The following STPG2 variants were observed in gnomAD, a reference collection of about 807,000 sequenced individuals.
STPG2 encodes sperm tail PG-rich repeat containing 2, also known as sperm-tail PG-rich repeat-containing protein 2.
Under a neutral mutation model 54.2 loss-of-function variants are expected in STPG2, and 56 were observed. The ratio of observed to expected loss-of-function variants is 1.03; its 90% CI spans 0.83 to 1.29. The LOEUF (loss-of-function observed/expected upper bound fraction) is 1.29, where lower values mean the gene tolerates loss of function less well. Among genes scored for constraint, STPG2 ranks in the 50% most tolerant of loss-of-function variants. The pLI is 0.00. For missense variants in STPG2, 596 were observed against 544.9 expected (o/e 1.09, Z -0.93); for synonymous variants, 200 against 181.8 (o/e 1.10, Z -0.81).
intron 4 of STPG2, among the ~76,000 whole-genome samples, chr4:97,538,749 C>G (rs970181394): frequency 2.6e-5 from 4 of 152,088 alleles, no homozygotes; most frequent in Non-Finnish European, 5.9e-5. Flanking sequence ...GTCAGATTCA[C>G]CAAAGTTCAA....
At chr4:97,454,779 A>T (rs1560615465) in intron 4 of STPG2, among the ~76,000 whole-genome samples, 1 of 152,042 alleles carries the variant, frequency 6.6e-6, no homozygotes, top group African/African-American at 2.4e-5. Flanking sequence ...GAAGTATCTG[A>T]GATGATATTT....
intron 4 of STPG2, among the ~76,000 whole-genome samples, chr4:97,510,536 C>T (rs1730949774): frequency 6.6e-6 from 1 of 152,078 alleles, no homozygotes; most frequent in South Asian, 2.1e-4. Context: ...ACCTAAAACT[C>T]TATAGTCTTG....
chr4:97,981,722 TA>T (rs1734683394), intron 5 of STPG2, among the ~76,000 whole-genome samples: 1 of 151,154 alleles, frequency 6.6e-6, no homozygotes, highest in Non-Finnish European at 1.5e-5. Context: ...TCAACATGTA[TA>T]TTCAATTAAC....
At chr4:97,587,165 A>G (rs1733021919) in intron 10 of STPG2, among the ~76,000 whole-genome samples, 1 of 152,006 alleles carries the variant, frequency 6.6e-6, no homozygotes, top group Non-Finnish European at 1.5e-5. Context: ...ATAAATATTT[A>G]GTAAATGGAT....
chr4:97,563,867 T>C (rs1277690212), intron 10 of STPG2, among the ~76,000 whole-genome samples: 2 of 152,194 alleles, frequency 1.3e-5, no homozygotes, highest in African/African-American at 4.8e-5. Flanking sequence ...AATGATGTGG[T>C]CAATTTTGGA....
intron 9 of STPG2, among the ~76,000 whole-genome samples, chr4:97,767,371 C>T (rs1368503986): frequency 2.0e-5 from 3 of 151,966 alleles, no homozygotes; most frequent in Non-Finnish European, 4.4e-5. Flanking sequence ...AGATTTTTAC[C>T]ATTTATCCTC....
intron 9 of STPG2, among the ~76,000 whole-genome samples, chr4:97,735,052 A>G (rs1365775544): frequency 1.4e-5 from 2 of 147,624 alleles, no homozygotes; most frequent in Non-Finnish European, 3.0e-5. Context: ...CAGCCTGGGC[A>G]AGAGAGCGAG....
At chr4:98,138,460 A>G (rs1740195866) in intron 1 of STPG2, among the ~76,000 whole-genome samples, 1 of 152,128 alleles carries the variant, frequency 6.6e-6, no homozygotes, top group African/African-American at 2.4e-5. Context: ...GTATGAAGCA[A>G]TAAAAGTCAG....
intron 9 of STPG2, among the ~76,000 whole-genome samples, chr4:97,767,329 T>G (rs1340495728): frequency 6.6e-6 from 1 of 152,162 alleles, no homozygotes; most frequent in East Asian, 1.9e-4. Context: ...AAGATTTGAT[T>G]TCATTTTGTC....
intron 8 of STPG2, among the ~76,000 whole-genome samples, chr4:97,934,477 G>A (rs977234020): frequency 2.6e-5 from 4 of 152,126 alleles, no homozygotes; most frequent in Admixed American, 6.6e-5. Flanking sequence ...TTCCCACTCA[G>A]TATGATATTA....
At chr4:97,774,662 G>A (rs1303362424) in intron 9 of STPG2, among the ~76,000 whole-genome samples, 2 of 152,020 alleles carry the variant, frequency 1.3e-5, no homozygotes, top group South Asian at 2.1e-4. Context: ...TTAGGTTTGG[G>A]TGAGTATATC....
At chr4:98,020,071 A>G (rs1439172286) in intron 5 of STPG2, among the ~76,000 whole-genome samples, 1 of 122,100 alleles carries the variant, frequency 8.2e-6, no homozygotes, top group African/African-American at 3.3e-5. Context: ...AGGAGTGGTG[A>G]GAGAGGGCAT....
At chr4:98,083,953 G>A (rs145041844) in intron 5 of STPG2, among the ~76,000 whole-genome samples, 2 of 151,976 alleles carry the variant, frequency 1.3e-5, no homozygotes, top group Non-Finnish European at 2.9e-5. Flanking sequence ...TGGGTGGCTC[G>A]AGCAATCCTC....
At chr4:98,004,331 T>G (rs939105748) in intron 5 of STPG2, among the ~76,000 whole-genome samples, 1 of 152,086 alleles carries the variant, frequency 6.6e-6, no homozygotes, top group African/African-American at 2.4e-5. Flanking sequence ...CTTTTTTAAG[T>G]CTGAATAATA....
At chr4:98,137,992 GTTTA>G (rs1363223338) in intron 1 of STPG2, among the ~76,000 whole-genome samples, 3 of 151,978 alleles carry the variant, frequency 2.0e-5, no homozygotes, top group Non-Finnish European at 2.9e-5. Context: ...GAACTTACCT[GTTTA>G]TTTATTCATA....
chr4:98,061,950 A>AT (rs1328921104), intron 5 of STPG2, among the ~76,000 whole-genome samples: 1 of 152,232 alleles, frequency 6.6e-6, no homozygotes, highest in Non-Finnish European at 1.5e-5. Flanking sequence ...TGCTAAGTAT[A>AT]TACCCAGAGG....
intron 9 of STPG2, among the ~76,000 whole-genome samples, chr4:97,837,492 CG>C (rs1052368476): frequency 4.1e-4 from 62 of 151,630 alleles, no homozygotes; most frequent in African/African-American, 1.5e-3. Flanking sequence ...TTTCACTTAC[CG>C]GAGTTGGATC....
chr4:97,885,279 C>T (rs1441572270), intron 8 of STPG2, among the ~76,000 whole-genome samples: 1 of 152,156 alleles, frequency 6.6e-6, no homozygotes, highest in African/African-American at 2.4e-5. Flanking sequence ...AAGTGAGAGA[C>T]TGTTGGGTCC....
At chr4:97,502,284 T>TA (rs994411491) in intron 4 of STPG2, among the ~76,000 whole-genome samples, 95 of 150,862 alleles carry the variant, frequency 6.3e-4, no homozygotes, top group East Asian at 3.3e-3. Flanking sequence ...GCGTCCCTGA[T>TA]AAAAAAAAAT....
Sources: gnomAD v4.1 joint callset for allele counts (sites outside exome capture counted in the v4.1 genomes callset) on GRCh38, gnomAD v4.1.1 for gene constraint, MANE v1.5 for transcripts, NCBI Gene and HGNC (gene_info 2026-07-23, HGNC 2026-07-21) for gene names.